The following INSYN2B variants were observed in gnomAD, a reference collection of about 807,000 sequenced individuals.
The protein encoded by INSYN2B is protein INSYN2B.
Under a neutral mutation model 41.2 loss-of-function variants are expected in INSYN2B, and 16 were observed. The ratio of observed to expected loss-of-function variants is 0.39; its 90% CI spans 0.26 to 0.59. The LOEUF is 0.59. Ranked by LOEUF, INSYN2B falls within the 20% of genes least tolerant of loss-of-function variation. The pLI, the probability that INSYN2B is intolerant of heterozygous loss-of-function variation, is 0.57. For missense variants in INSYN2B, 608 were observed against 646.4 expected (o/e 0.94, Z 0.64); for synonymous variants, 245 against 244.4 (o/e 1.00, Z -0.02).
intron 1 of INSYN2B, among the ~76,000 whole-genome samples, chr5:169,940,547 C>CTTGTTTT (rs1474639707): frequency 1.3e-5 from 2 of 152,066 alleles, no homozygotes; most frequent in East Asian, 3.8e-4. Flanking sequence ...TCAATGGGAA[C>CTTGTTTT]CCTGAGCTTG....
intron 1 of INSYN2B, among the ~76,000 whole-genome samples, chr5:169,895,655 G>A (rs1292383172): frequency 6.6e-6 from 1 of 151,910 alleles, no homozygotes; most frequent in Non-Finnish European, 1.5e-5. Flanking sequence ...CACAGCCCCC[G>A]AGAGCAGGGT....
intron 3 of INSYN2B, chr5:169,875,649 A>T (rs1772283604): frequency 1.1e-5 from 2 of 187,964 alleles, no homozygotes; most frequent in South Asian, 9.8e-5. Flanking sequence ...CCTGAGCAAC[A>T]GTTCCTTCAT....
Position 169,861,724 on chromosome 5 carries a change from G to A in INSYN2B, c.*2549C>T, listed in dbSNP as rs539374534. Among the ~76,000 whole-genome samples the A allele has an allele frequency of 2.0e-5, 3 of 152,154 alleles. No individual in the cohort carries two copies. Among genetic ancestry groups the A allele is most frequent in the South Asian group, 4.2e-4 (2 of 4,814 alleles). ...TGTGTGGTGTTTTAAACATAGAGAC[G>A]ACCATTTTTGTTCATCAGGAAAATG... On this transcript the variant is annotated 3_prime_UTR_variant, in exon 4 of 4. Coordinates refer to ENST00000377365, the MANE Select transcript of INSYN2B (RefSeq NM_001129891.3).
intron 1 of INSYN2B, among the ~76,000 whole-genome samples, chr5:169,893,576 A>T (rs924590416): frequency 6.6e-6 from 1 of 151,650 alleles, no homozygotes; most frequent in African/African-American, 2.4e-5. Flanking sequence ...GCTCAAACAG[A>T]TAGAAGAATC....
intron 1 of INSYN2B, among the ~76,000 whole-genome samples, chr5:169,916,093 T>G (rs955793808): frequency 2.0e-5 from 3 of 152,200 alleles, no homozygotes; most frequent in Non-Finnish European, 4.4e-5. Context: ...TGCCAGGCAG[T>G]TAATGAGAAT....
chr5:169,959,838 TACA>T (rs1414976237), intron 1 of INSYN2B, among the ~76,000 whole-genome samples: 2 of 152,032 alleles, frequency 1.3e-5, no homozygotes, highest in African/African-American at 4.8e-5. Flanking sequence ...AAATAGGAAA[TACA>T]ACAATAGGAT....
intron 1 of INSYN2B, among the ~76,000 whole-genome samples, chr5:169,978,785 G>A (rs1046792138): frequency 5.3e-5 from 8 of 152,122 alleles, no homozygotes; most frequent in Non-Finnish European, 1.0e-4. Context: ...GCCACTCAAG[G>A]TGTTAAGTAG....
chr5:169,882,935 G>A lies in INSYN2B; in HGVS notation c.964C>T (p.His322Tyr), dbSNP rs1378819746. The part of the protein sequence containing the change: ...PSQGSHSQPA[H>Y]PGRASDCPSS... ...GGACAGTCTGAGGCTCTTCCTGGGT[G>A]GGCTGGCTGGCTGTGGGAGCCTTGT... Residue 322 changes from histidine to tyrosine, a missense_variant, in exon 2 of 4, where the codon CAC (histidine) becomes TAC (tyrosine). Transcript: ENST00000377365. 5 of 1,551,936 alleles carry A rather than the reference G, an allele frequency of 3.2e-6. No individual in the cohort carries two copies. The highest frequency in any genetic ancestry group is 3.5e-6 in the Non-Finnish European group (4 of 1,146,980).
chr5:169,968,573 T>C (rs1581484234), intron 1 of INSYN2B, among the ~76,000 whole-genome samples: 1 of 152,174 alleles, frequency 6.6e-6, no homozygotes, highest in East Asian at 1.9e-4. Flanking sequence ...CCCTATGGAG[T>C]TCGTGCAGAT....
At chr5:169,898,824 G>A (rs1773760714) in intron 1 of INSYN2B, among the ~76,000 whole-genome samples, 1 of 152,166 alleles carries the variant, frequency 6.6e-6, no homozygotes, top group Non-Finnish European at 1.5e-5. Context: ...ACAGGTAGCA[G>A]GCAAGATTTG....
At chr5:169,936,565 G>C (rs1333254501) in intron 1 of INSYN2B, among the ~76,000 whole-genome samples, 1 of 147,038 alleles carries the variant, frequency 6.8e-6, no homozygotes, top group Admixed American at 6.7e-5. Context: ...AATCATTGGT[G>C]ATTCTCAGAC....
At chr5:169,918,299 A>G (rs898842102) in intron 1 of INSYN2B, among the ~76,000 whole-genome samples, 1 of 152,206 alleles carries the variant, frequency 6.6e-6, no homozygotes, top group African/African-American at 2.4e-5. Context: ...TTGTGGTTTG[A>G]GTAATAAATT....
intron 1 of INSYN2B, among the ~76,000 whole-genome samples, chr5:169,895,298 C>G (rs1773531666): frequency 6.6e-6 from 1 of 152,222 alleles, no homozygotes; most frequent in Non-Finnish European, 1.5e-5. Flanking sequence ...TCTCCCTCCT[C>G]CTTCCCTCTC....
chr5:169,969,632 G>A (rs1007418598), intron 1 of INSYN2B, among the ~76,000 whole-genome samples: 7 of 152,294 alleles, frequency 4.6e-5, no homozygotes, highest in East Asian at 3.9e-4. Context: ...GGGGAGTGGC[G>A]GAGGCTGTAG....
At chr5:169,961,264 A>T (rs1444125159) in intron 1 of INSYN2B, among the ~76,000 whole-genome samples, 1 of 152,236 alleles carries the variant, frequency 6.6e-6, no homozygotes, top group African/African-American at 2.4e-5. Context: ...AAATGCTGTC[A>T]GAGTTCTGGT....
rs1457387084 is a variant in INSYN2B at position 169,927,196 on chromosome 5, G to A, written c.-918-42380C>T. Among the ~76,000 whole-genome samples the A allele has an allele frequency of 2.6e-5, 4 of 152,102 alleles. No individual in the cohort carries two copies. In the East Asian group the frequency reaches 7.7e-4, roughly 29 times the overall value. On this transcript the variant is annotated intron_variant, in intron 1 of 3. Transcript: ENST00000377365. ...GGCCCTTTCCAGGACTTGAAAAAAG[G>A]CCCCTGGCTGGAGAGTCATGAGAGA...
At chr5:169,938,921 T>TTTTGA (rs1776110199) in intron 1 of INSYN2B, among the ~76,000 whole-genome samples, 1 of 149,960 alleles carries the variant, frequency 6.7e-6, no homozygotes, top group Non-Finnish European at 1.5e-5. Flanking sequence ...TTTTTTTTTT[T>TTTTGA]GAAATGGAGT....
chr5:169,867,836 C>G (rs1771687771), intron 3 of INSYN2B, among the ~76,000 whole-genome samples: 1 of 152,184 alleles, frequency 6.6e-6, no homozygotes, highest in African/African-American at 2.4e-5. Flanking sequence ...TCATTCTCCC[C>G]AGTGGAAACT....
chr5:169,877,368 G>A (rs261076), intron 3 of INSYN2B, among the ~76,000 whole-genome samples: 44,082 of 152,038 alleles, frequency 0.29, 7,371 homozygotes, highest in African/African-American at 0.46. Flanking sequence ...GTCAATTCAC[G>A]TTCAAGTGAC....
Sources: gnomAD v4.1 joint callset for allele counts (sites outside exome capture counted in the v4.1 genomes callset) on GRCh38, gnomAD v4.1.1 for gene constraint, MANE v1.5 for transcripts, NCBI Gene and HGNC (gene_info 2026-07-23, HGNC 2026-07-21) for gene names.